GPHN: variants seen among roughly 807,000 people sequenced by gnomAD.
GPHN encodes the protein gephyrin.
A neutral mutation model predicts 95.5 loss-of-function variants in GPHN; 17 were observed. That is an observed-to-expected ratio of 0.18 (90% confidence interval 0.12 to 0.27). GPHN has a LOEUF of 0.27. Ranked by LOEUF, GPHN falls within the 10% of genes least tolerant of loss-of-function variation. GPHN has a pLI of 1.00. For synonymous variants in GPHN, 320 were observed against 322.5 expected, an observed-to-expected ratio of 0.99 and a Z score of 0.08; for missense variants, 660 against 978.1, an observed-to-expected ratio of 0.67 and a Z score of 4.34.
intron 2 of GPHN, among the ~76,000 whole-genome samples, chr14:66,732,610 C>T (rs147771538): frequency 0.012 from 1,827 of 152,258 alleles, 19 homozygotes; most frequent in Non-Finnish European, 0.018. Flanking sequence ...TCCGCCTCCC[C>T]GGTTCAAGCG....
chr14:67,354,839 G>A, the GPHN span, among the ~76,000 whole-genome samples: 1 of 152,088 alleles, frequency 6.6e-6, no homozygotes, highest in African/African-American at 2.4e-5. Flanking sequence ...TTGAGGTGAA[G>A]TTTCACTCTT....
At chr14:67,561,814 G>T in the GPHN span, 1 of 666,908 alleles carries the variant, frequency 1.5e-6, no homozygotes. Flanking sequence ...AGGCTGCAGT[G>T]AGCCAAAATT....
At chr14:66,526,869 C>T (rs372307196) in intron 1 of GPHN, among the ~76,000 whole-genome samples, 5 of 152,226 alleles carry the variant, frequency 3.3e-5, no homozygotes, top group South Asian at 2.1e-4. Flanking sequence ...CTATTGGATT[C>T]GGTTTGCCAA....
the GPHN span, among the ~76,000 whole-genome samples, chr14:67,723,849 G>A: frequency 2.0e-5 from 3 of 152,248 alleles, no homozygotes; most frequent in Non-Finnish European, 2.9e-5. Flanking sequence ...AGTGCTCTCT[G>A]CACAGAGGTC....
the GPHN span, among the ~76,000 whole-genome samples, chr14:67,721,744 T>TATATATATATATATGTATAACAC: frequency 6.2e-3 from 5 of 812 alleles, no homozygotes; most frequent in Non-Finnish European, 9.4e-3. Flanking sequence ...TGGGGATATA[T>TATATATATATATATGTATAACAC]ATATATATAT....
chr14:66,950,444 A>G (rs910613092), intron 8 of GPHN, among the ~76,000 whole-genome samples: 2 of 152,166 alleles, frequency 1.3e-5, no homozygotes, highest in African/African-American at 4.8e-5. Flanking sequence ...TTATTATATT[A>G]AAGGCCATCA....
At chr14:66,711,802 C>T (rs1212905289) in intron 2 of GPHN, among the ~76,000 whole-genome samples, 3 of 150,548 alleles carry the variant, frequency 2.0e-5, no homozygotes, top group South Asian at 2.1e-4. Flanking sequence ...TGTGTGTTCT[C>T]GTTGTTCAAT....
intron 14 of GPHN, among the ~76,000 whole-genome samples, 181 bp from the exon 15 acceptor site, chr14:67,111,680 C>A (rs1463923629): frequency 4.6e-5 from 7 of 152,034 alleles, no homozygotes; most frequent in South Asian, 4.2e-4. Flanking sequence ...GGCACCAAAC[C>A]TTCTAATTTT....
At chr14:66,689,416 G>C (rs1418419869) in intron 2 of GPHN, among the ~76,000 whole-genome samples, 3 of 152,114 alleles carry the variant, frequency 2.0e-5, no homozygotes, top group Non-Finnish European at 4.4e-5. Context: ...CTTGATGATG[G>C]TGAATTATCT....
intron 1 of GPHN, among the ~76,000 whole-genome samples, chr14:66,620,870 C>T (rs1211924797): frequency 6.6e-6 from 1 of 152,198 alleles, no homozygotes; most frequent in African/African-American, 2.4e-5. Context: ...AATGGAGGTA[C>T]AGGCATTGGG....
chr14:67,440,037 T>A, the GPHN span, among the ~76,000 whole-genome samples: 303 of 152,218 alleles, frequency 2.0e-3, no homozygotes, highest in Non-Finnish European at 3.4e-3. Flanking sequence ...GGTTTCACCA[T>A]GTTGGCCAGG....
chr14:67,236,108 T>C, the GPHN span, among the ~76,000 whole-genome samples: 1 of 152,220 alleles, frequency 6.6e-6, no homozygotes, highest in East Asian at 1.9e-4. Flanking sequence ...ATCTAGTCTC[T>C]TAAGTATACT....
intron 3 of GPHN, chr14:66,823,338 A>G (rs904520684): frequency 4.6e-5 from 7 of 152,182 alleles, no homozygotes; most frequent in African/African-American, 1.7e-4. Context: ...AGAGCTATTT[A>G]TAAGAGTGAG....
At chr14:67,592,392 A>AT in the GPHN span, 1 of 488,210 alleles carries the variant, frequency 2.0e-6, no homozygotes, top group Non-Finnish European at 3.7e-6. Context: ...ATGAGTGGTG[A>AT]TTGTCACTGC....
At chr14:67,128,260 CTT>C (rs763164125) in intron 17 of GPHN, among the ~76,000 whole-genome samples, 4 of 144,660 alleles carry the variant, frequency 2.8e-5, no homozygotes, top group Non-Finnish European at 3.1e-5. Context: ...CCTATTTCTA[CTT>C]TTTTTTTTTT....
At chr14:67,468,852 A>AC in the GPHN span, among the ~76,000 whole-genome samples, 2 of 152,028 alleles carry the variant, frequency 1.3e-5, no homozygotes, top group African/African-American at 4.8e-5. Flanking sequence ...CTGGGATTGC[A>AC]CCACTGCACT....
At chr14:67,072,132 T>C (rs2076335466) in intron 11 of GPHN, among the ~76,000 whole-genome samples, 1 of 152,126 alleles carries the variant, frequency 6.6e-6, no homozygotes, top group Admixed American at 6.5e-5. Flanking sequence ...AGTTCCTTAG[T>C]CTATAGAATT....
intron 1 of GPHN, among the ~76,000 whole-genome samples, chr14:66,585,870 T>G (rs1372704880): frequency 1.3e-5 from 2 of 152,126 alleles, no homozygotes; most frequent in African/African-American, 4.8e-5. Flanking sequence ...ATTCTGTTGA[T>G]TTGGGGTGGA....
intron 17 of GPHN, among the ~76,000 whole-genome samples, chr14:67,133,705 A>C (rs1377095336): frequency 2.0e-5 from 3 of 152,198 alleles, no homozygotes; most frequent in Non-Finnish European, 4.4e-5. Context: ...TGATGAGTAC[A>C]TACACTTTTG....
Sources: gnomAD v4.1 joint callset for allele counts (sites outside exome capture counted in the v4.1 genomes callset) on GRCh38, gnomAD v4.1.1 for gene constraint, MANE v1.5 for transcripts, NCBI Gene and HGNC (gene_info 2026-07-23, HGNC 2026-07-21) for gene names.